CPSF6: variants seen among roughly 807,000 people sequenced by gnomAD.
CPSF6 encodes cleavage and polyadenylation specificity factor subunit 6.
Under a neutral mutation model 56.7 loss-of-function variants are expected in CPSF6, and 10 were observed. The ratio of observed to expected loss-of-function variants is 0.18; its 90% CI spans 0.11 to 0.30. The LOEUF is 0.30. Among genes scored for constraint, CPSF6 ranks in the 10% least tolerant of loss-of-function variants. The pLI, the probability that CPSF6 is intolerant of heterozygous loss-of-function variation, is 1.00. For missense variants in CPSF6, 419 were observed against 722.9 expected (o/e 0.58, Z 4.82); for synonymous variants, 248 against 244.8 (o/e 1.01, Z -0.12).
rs913611085 is a variant in CPSF6, at chr12:69,273,734, T to A, written c.*4226T>A. The A allele has an allele frequency of 6.6e-6, 1 of 151,946 alleles. No homozygotes were observed. Among genetic ancestry groups the A allele is most frequent in the African/African-American group, 2.4e-5 (1 of 41,422 alleles). 9.4% of individuals were successfully genotyped at this position (151,946 alleles called of 1,614,324 possible). ...TGAAAATTGTAGTACTCAGGTGGTA[T>A]TTAATGGGAAAGGATCCTTTGGGTA... On this transcript the variant is annotated 3_prime_UTR_variant, in exon 10 of 10. Coordinates refer to ENST00000435070, the MANE Select transcript of CPSF6 (RefSeq NM_007007.3).
At chr12:69,243,792 T>G (rs919605008) in intron 1 of CPSF6, among the ~76,000 whole-genome samples, 1 of 152,210 alleles carries the variant, frequency 6.6e-6, no homozygotes. Context: ...CAGGCTACAC[T>G]AAATTTATTT....
chr12:69,256,954 C>A, intron 4 of CPSF6, 112 bp downstream of exon 4: 1 of 894,398 alleles, frequency 1.1e-6, no homozygotes, highest in Non-Finnish European at 1.7e-6. Flanking sequence ...AACTCCATTT[C>A]ACAAAGTCCA....
At chr12:69,252,018 T>C in intron 2 of CPSF6, 1 of 455,984 alleles carries the variant, frequency 2.2e-6, no homozygotes, top group Non-Finnish European at 4.4e-6. Flanking sequence ...TCAATAAAAC[T>C]TGGCACCCTT....
At chr12:69,249,482 A>T (rs1272689185) in intron 1 of CPSF6, among the ~76,000 whole-genome samples, 1 of 152,008 alleles carries the variant, frequency 6.6e-6, no homozygotes. Context: ...TAGCTCCTCC[A>T]TATGTGCCAT....
In CPSF6 at chr12:69,258,541, T is replaced by C. The variant is rs1487318047; in HGVS notation, c.695-49T>C. 8 of 1,512,214 alleles carry C rather than the reference T, an allele frequency of 5.3e-6. No individual in the cohort carries two copies. The East Asian group carries it at 1.4e-4, about 26-fold the overall frequency. 93.7% of individuals were successfully genotyped at this position (1,512,214 alleles called of 1,614,324 possible). A position where few individuals can be genotyped will look rare whatever the true frequency, so the allele number is the denominator to read the frequency against. ...ATCTTGGCATATAAAAGTTAAAATA[T>C]CTTATTAGTGAAGTGTTTTTTTTTC... On this transcript the variant is annotated intron_variant, in intron 5 of 9. Coordinates refer to ENST00000435070, the MANE Select transcript of CPSF6 (RefSeq NM_007007.3). The surrounding 1 kb of genome is among the most constrained non-coding windows in gnomAD (Gnocchi z 4.2).
At chr12:69,259,650 T>C in intron 7 of CPSF6, 107 bp downstream of exon 7, 1 of 935,584 alleles carries the variant, frequency 1.1e-6, no homozygotes, top group South Asian at 1.8e-5. Flanking sequence ...TAGTTCTTTT[T>C]ATATTCCCAA....
chr12:69,244,901 G>C (rs1871813258), intron 1 of CPSF6, among the ~76,000 whole-genome samples: 1 of 151,992 alleles, frequency 6.6e-6, no homozygotes, highest in African/African-American at 2.4e-5. Flanking sequence ...TGACTTGCCT[G>C]AGGCTGTTTT....
Position 69,253,119 on chromosome 12 carries a change from A to T in CPSF6, c.339A>T (p.Lys113Asn). 6.2e-7 allele frequency: 1 copy of T among 1,602,182 alleles called. No homozygotes were observed. The highest frequency in any genetic ancestry group is 8.5e-7 in the Non-Finnish European group (1 of 1,174,968). Residue 113 changes from lysine (K) to asparagine (N), a missense_variant, in exon 3 of 10, where the codon AAA becomes AAT. This residue lies in a region of CPSF6 where 125 missense variants were observed against 216.4 expected (regional missense o/e 0.58). Coordinates refer to ENST00000435070, the MANE Select transcript of CPSF6 (RefSeq NM_007007.3). The stretch of plus-strand genomic sequence containing the variant: ...GAGTAAATGATATTTTGGAGATAAA[A>T]TTTTTTGAAAATCGGGCAAATGGCC... ...SLGVNDILEI[K>N]FFENRANGQS...
intron 9 of CPSF6, among the ~76,000 whole-genome samples, chr12:69,266,173 A>C (rs1473944707): frequency 6.6e-6 from 1 of 151,996 alleles, no homozygotes; most frequent in African/African-American, 2.4e-5. Flanking sequence ...ATAAGATTTT[A>C]AAATTGTTTC....
intron 9 of CPSF6, among the ~76,000 whole-genome samples, chr12:69,263,051 G>A (rs934473716): frequency 3.3e-5 from 5 of 150,934 alleles, no homozygotes; most frequent in African/African-American, 1.2e-4. Context: ...TAATACAGGA[G>A]GGTGTTTTCT....
chr12:69,259,989 T>C, intron 7 of CPSF6, 55 bp from the exon 8 acceptor site: 1 of 1,591,804 alleles, frequency 6.3e-7, no homozygotes, highest in Non-Finnish European at 8.5e-7. Context: ...AGTGGTTTGA[T>C]GGTGTTTTGA....
chr12:69,254,872 T>A (rs1428584141), intron 3 of CPSF6: 1 of 152,228 alleles, frequency 6.6e-6, no homozygotes, highest in African/African-American at 2.4e-5. Context: ...TCATTCTGAT[T>A]ATTTTAAATT....
Position 69,258,651 on chromosome 12 carries a change from T to C in CPSF6, c.756T>C (p.Pro252=), listed in dbSNP as rs555246474. Reference sequence around the variant, plus strand: ...CAGGCCCACCTGGTCCACCAGGTCCTCCACCTCCTGGTCAGGTTCTGCCTC... The same window carrying C: ...CAGGCCCACCTGGTCCACCAGGTCCCCCACCTCCTGGTCAGGTTCTGCCTC... ...GPPGPPGPPG[P]PPPGQVLPPP... is the part of the protein sequence containing the mutation. The change falls in exon 6 of 10, where the codon CCT becomes CCC. Residue 252 remains proline (P), a synonymous_variant. Coordinates refer to ENST00000435070, the MANE Select transcript of CPSF6 (RefSeq NM_007007.3). The surrounding 1 kb of genome is among the most constrained non-coding windows in gnomAD (Gnocchi z 4.2). 106 of 1,613,756 alleles carry C rather than the reference T, an allele frequency of 6.6e-5. No individual in the cohort carries two copies. The highest frequency in any genetic ancestry group is 5.1e-4 in the East Asian group (23 of 44,854).
chr12:69,250,899 G>A (rs1467402411), intron 1 of CPSF6, among the ~76,000 whole-genome samples: 4 of 151,958 alleles, frequency 2.6e-5, no homozygotes, highest in Non-Finnish European at 4.4e-5. Flanking sequence ...CACCTGCCTC[G>A]GCCTCCCAAG....
intron 9 of CPSF6, among the ~76,000 whole-genome samples, chr12:69,266,751 G>A (rs1332281137): frequency 6.6e-6 from 1 of 151,928 alleles, no homozygotes; most frequent in Non-Finnish European, 1.5e-5. Context: ...AAATCTTTTG[G>A]GAACAAACCT....
In CPSF6 at chr12:69,239,619, C is replaced by A. The variant is rs763583288; in HGVS notation, c.-28C>A. ...CGGGCAGACCTGCAGGAGGCGGCGG[C>A]GGCGGCGGCGGCCGAGGCTGAAGGA... On this transcript the variant is annotated 5_prime_UTR_variant, in exon 1 of 10. Transcript: ENST00000435070. 1 of 1,549,826 alleles carries A rather than the reference C, an allele frequency of 6.5e-7. No homozygotes were observed. The highest frequency in any genetic ancestry group is 1.2e-5 in the South Asian group (1 of 83,672).
rs1212454816 is a variant in CPSF6, at chr12:69,271,236, G to A, written c.*1728G>A. ...TTTTAAAGCATTTTGTTGAAAATGC[G>A]GTTGCTTTTTTAACATTATTTTAGA... On this transcript the variant is annotated 3_prime_UTR_variant, in exon 10 of 10. Coordinates refer to ENST00000435070, the MANE Select transcript of CPSF6 (RefSeq NM_007007.3). 3 of 151,980 alleles carry A rather than the reference G, an allele frequency of 2.0e-5. No homozygotes were observed. Among genetic ancestry groups the A allele is most frequent in the Admixed American group, 6.6e-5 (1 of 15,216 alleles). The allele number at this position is 151,980 out of a possible 1,614,324, so 9.4% of individuals were successfully genotyped here. A position where few individuals can be genotyped will look rare whatever the true frequency, so the allele number is the denominator to read the frequency against.
chr12:69,255,535 A>G (rs7309486), intron 3 of CPSF6, among the ~76,000 whole-genome samples: 6,154 of 152,046 alleles, frequency 0.04, 414 homozygotes, highest in African/African-American at 0.14. Context: ...GTTTCTCCAC[A>G]TATTTATTTA....
rs544132245 is a variant in CPSF6, at chr12:69,256,074, A to G, written c.375-623A>G. Among the ~76,000 whole-genome samples the G allele has an allele frequency of 2.0e-5, 3 of 152,344 alleles. No individual in the cohort carries two copies. The South Asian group carries it at 6.2e-4, about 32-fold the overall frequency. On this transcript the variant is annotated intron_variant, in intron 3 of 9. Transcript: ENST00000435070. ...AAAAGTAAGTGGTGATGCATGCTGT[A>G]ACAGTGGATGAAGCTTGAAAACATG...
Sources: gnomAD v4.1 joint callset for allele counts (sites outside exome capture counted in the v4.1 genomes callset) on GRCh38, gnomAD v4.1.1 for gene constraint, gnomAD v4.1.1 regional missense constraint, Gnocchi (gnomAD v3.1) non-coding constraint, MANE v1.5 for transcripts, NCBI Gene and HGNC (gene_info 2026-07-23, HGNC 2026-07-21) for gene names.